The following NRCAM variants were observed in gnomAD, a reference collection of about 807,000 sequenced individuals.
NRCAM encodes neuronal cell adhesion molecule, also known as NgCAM-related cell adhesion molecule.
In NRCAM, 83 loss-of-function variants were observed where a neutral mutation model predicts 156.5. That is an observed-to-expected ratio of 0.53 (90% CI 0.44 to 0.64). NRCAM has a LOEUF of 0.64. NRCAM is among the 30% of genes least tolerant of loss of function. The probability of loss-of-function intolerance (pLI) is 0.00; values close to 1 mark genes in which losing one functional copy is unlikely to be tolerated. For synonymous variants in NRCAM, 538 were observed against 563.9 expected (o/e 0.95, Z 0.65); for missense variants, 1,417 against 1,597.3 (o/e 0.89, Z 1.92).
intron 3 of NRCAM, among the ~76,000 whole-genome samples, chr7:108,275,066 C>G (rs1016578008): frequency 6.6e-6 from 1 of 152,204 alleles, no homozygotes; most frequent in African/African-American, 2.4e-5. Flanking sequence ...GTTGAACCAG[C>G]CTTGCATCCC....
At chr7:108,400,780 C>T (rs6466225) in intron 1 of NRCAM, among the ~76,000 whole-genome samples, 38,193 of 151,818 alleles carry the variant, frequency 0.25, 5,084 homozygotes, top group Non-Finnish European at 0.28. Context: ...AAAGCAGCAG[C>T]GTGAGAATGG....
intron 2 of NRCAM, among the ~76,000 whole-genome samples, chr7:108,363,000 TAAAC>T (rs946034615): frequency 8.5e-5 from 13 of 152,144 alleles, no homozygotes; most frequent in African/African-American, 2.9e-4. Flanking sequence ...AAGAACTTGC[TAAAC>T]AAACAAACAA....
chr7:108,220,952 G>C (rs1364306297), intron 11 of NRCAM, among the ~76,000 whole-genome samples: 5 of 152,104 alleles, frequency 3.3e-5, no homozygotes, highest in Admixed American at 3.3e-4. Flanking sequence ...CTATACATCT[G>C]ACAAAGGACT....
At chr7:108,430,837 A>G (rs1824092506) in intron 1 of NRCAM, among the ~76,000 whole-genome samples, 1 of 152,156 alleles carries the variant, frequency 6.6e-6, no homozygotes. Context: ...AGGAAGAGGT[A>G]GCCATGGCTA....
At chr7:108,350,883 T>C (rs573699082) in intron 2 of NRCAM, among the ~76,000 whole-genome samples, 68 of 152,354 alleles carry the variant, frequency 4.5e-4, no homozygotes, top group African/African-American at 1.6e-3. Flanking sequence ...ATTTGGGTAC[T>C]TGTTGATTGG....
chr7:108,445,618 G>T (rs993508975), intron 1 of NRCAM, among the ~76,000 whole-genome samples: 4 of 152,088 alleles, frequency 2.6e-5, no homozygotes, highest in African/African-American at 9.7e-5. Flanking sequence ...GGGTTGGGTG[G>T]TGACAAAGAT....
At chr7:108,433,280 T>G (rs1828001219) in intron 1 of NRCAM, among the ~76,000 whole-genome samples, 1 of 152,092 alleles carries the variant, frequency 6.6e-6, no homozygotes, top group African/African-American at 2.4e-5. Flanking sequence ...CTCCAGCCTG[T>G]GGGTGTACAC....
intron 10 of NRCAM, 50 bp from the exon 11 acceptor site, chr7:108,223,886 T>C (rs372476034): frequency 9.3e-6 from 8 of 857,566 alleles, no homozygotes; most frequent in African/African-American, 8.4e-5. Context: ...TATGTATTTC[T>C]ATAAACACTT....
intron 27 of NRCAM, 94 bp from the exon 28 acceptor site, chr7:108,175,451 C>T: frequency 9.1e-7 from 1 of 1,102,480 alleles, no homozygotes; most frequent in Non-Finnish European, 1.3e-6. Flanking sequence ...TATTAAAATG[C>T]TAAAGCATGC....
At chr7:108,386,424 AT>A (rs1263012062) in intron 2 of NRCAM, among the ~76,000 whole-genome samples, 4 of 152,204 alleles carry the variant, frequency 2.6e-5, no homozygotes, top group African/African-American at 9.6e-5. Context: ...TTGATTGGAA[AT>A]AAATTATTCT....
chr7:108,210,549 A>C (rs2083619655), intron 11 of NRCAM, among the ~76,000 whole-genome samples: 1 of 152,162 alleles, frequency 6.6e-6, no homozygotes, highest in East Asian at 1.9e-4. Flanking sequence ...CCTGGTCCCA[A>C]CTGTGTTTTT....
intron 1 of NRCAM, among the ~76,000 whole-genome samples, chr7:108,426,387 G>A (rs908323029): frequency 7.2e-5 from 11 of 152,162 alleles, no homozygotes; most frequent in African/African-American, 2.4e-4. Flanking sequence ...TATTTTAATT[G>A]TCCAAAATAA....
In NRCAM at chr7:108,303,119, G is replaced by A. The variant is rs562422812; in HGVS notation, c.-107+9546C>T. Reference sequence around the variant, plus strand: ...TGGGATTACAGACACGTGCCACCACGCCCAGGTAATTTTTATATTTTTAGT... The same window carrying A: ...TGGGATTACAGACACGTGCCACCACACCCAGGTAATTTTTATATTTTTAGT... On this transcript the variant is annotated intron_variant, in intron 3 of 32. Transcript: ENST00000379028. 1.1e-4 allele frequency among the ~76,000 whole-genome samples: 17 copies of A among 152,046 alleles called. No individual in the cohort carries two copies. The South Asian group carries it at 1.7e-3, about 15-fold the overall frequency.
intron 14 of NRCAM, 128 bp from the exon 15 acceptor site, chr7:108,196,000 T>C (rs954974872): frequency 1.5e-6 from 1 of 676,866 alleles, no homozygotes; most frequent in Non-Finnish European, 2.7e-6. Context: ...TCTCTCCTTA[T>C]GTTCTCTATC....
intron 13 of NRCAM, among the ~76,000 whole-genome samples, chr7:108,206,435 G>A (rs570181833): frequency 4.6e-5 from 7 of 152,328 alleles, no homozygotes; most frequent in African/African-American, 1.4e-4. Context: ...TTTATTGTGA[G>A]TAAAGAATAC....
chr7:108,447,427 G>T (rs557505087), intron 1 of NRCAM, among the ~76,000 whole-genome samples: 1 of 151,864 alleles, frequency 6.6e-6, no homozygotes, highest in Non-Finnish European at 1.5e-5. Flanking sequence ...CACCATGCCT[G>T]GCTAATTTTT....
At chr7:108,170,184 A>G (rs1281329427) in intron 28 of NRCAM, among the ~76,000 whole-genome samples, 4 of 152,136 alleles carry the variant, frequency 2.6e-5, no homozygotes, top group Non-Finnish European at 5.9e-5. Flanking sequence ...ATATATATAT[A>G]TATTTACACA....
Position 108,160,480 on chromosome 7 carries a change from C to A in NRCAM, c.3479G>T (p.Arg1160Leu). The A allele has an allele frequency of 6.2e-7, 1 of 1,612,898 alleles. No homozygotes were observed. The highest frequency in any genetic ancestry group is 8.5e-7 in the Non-Finnish European group (1 of 1,179,418). The change falls in exon 31 of 33, where the codon CGG (arginine) becomes CTG (leucine). Residue 1160 changes from arginine (R) to leucine (L), a missense_variant. Arg to Leu is a moderately radical substitution (Grantham distance 102, BLOSUM62 -2). Coordinates refer to ENST00000379028, the MANE Select transcript of NRCAM (RefSeq NM_001037132.4). ...VFETGPAMAS[R>L]QVDIATQGWF... is the part of the protein sequence containing the mutation. Reference sequence around the variant, plus strand: ...GCCCTGAGTTGCAATATCCACCTGCCGGCTTGCCATCGCTGGAAAACAAAT... The same window carrying A: ...GCCCTGAGTTGCAATATCCACCTGCAGGCTTGCCATCGCTGGAAAACAAAT...
At chr7:108,332,198 T>C (rs774016814) in intron 2 of NRCAM, among the ~76,000 whole-genome samples, 16 of 152,284 alleles carry the variant, frequency 1.1e-4, no homozygotes, top group Non-Finnish European at 7.4e-5. Context: ...CACAGATAAT[T>C]TGATGGCACA....
Sources: allele counts gnomAD v4.1 joint callset (sites outside exome capture counted in the v4.1 genomes callset), GRCh38; gene constraint gnomAD v4.1.1; transcripts MANE v1.5; gene names NCBI Gene and HGNC (gene_info 2026-07-23, HGNC 2026-07-21).